DHODH: variants seen among roughly 807,000 people sequenced by gnomAD.
The protein encoded by DHODH is dihydroorotate dehydrogenase (quinone), mitochondrial.
A neutral mutation model predicts 39.7 loss-of-function variants in DHODH; 30 were observed. The observed-to-expected ratio is 0.76, with a 90% CI of 0.57 to 1.02. The LOEUF (loss-of-function observed/expected upper bound fraction) is 1.02, where lower values mean the gene tolerates loss of function less well. DHODH is among the 50% of genes least tolerant of loss of function. The pLI, the probability that DHODH is intolerant of heterozygous loss-of-function variation, is 0.00. For missense variants in DHODH, 531 were observed against 520.8 expected (o/e 1.02, Z -0.19); for synonymous variants, 222 against 213.8 (o/e 1.04, Z -0.34).
chr16:72,010,699 G>A (rs1368256251), intron 1 of DHODH, among the ~76,000 whole-genome samples: 1 of 152,056 alleles, frequency 6.6e-6, no homozygotes, highest in Non-Finnish European at 1.5e-5. Flanking sequence ...TTACACCCCC[G>A]TTACCTTGAA....
intron 1 of DHODH, 53 bp from the exon 2 acceptor site, chr16:72,011,997 A>G: frequency 6.7e-7 from 1 of 1,498,250 alleles, no homozygotes; most frequent in Admixed American, 1.7e-5. Context: ...AGGGCTCAGG[A>G]AGGGTGCTGC....
chr16:72,013,535 TG>T (rs1289404005), intron 2 of DHODH: 4 of 152,228 alleles, frequency 2.6e-5, no homozygotes, highest in African/African-American at 7.2e-5. Context: ...CCAGGATTCT[TG>T]ATTTCACAAC....
chr16:72,017,681 T>A (rs1445515007), intron 4 of DHODH, among the ~76,000 whole-genome samples: 1 of 152,012 alleles, frequency 6.6e-6, no homozygotes, highest in Non-Finnish European at 1.5e-5. Context: ...GGTGCCCAAG[T>A]TGGGAGGATC....
chr16:72,014,723 G>A (rs777928749), intron 3 of DHODH, 51 bp downstream of exon 3: 2 of 1,575,212 alleles, frequency 1.3e-6, no homozygotes, highest in Admixed American at 1.7e-5. Context: ...CCAGCTGGGG[G>A]CGTTCAGAGA....
rs967161220 is a variant in DHODH at position 72,025,350 on chromosome 16, T to C, written c.*1151T>C. 6.6e-6 allele frequency: 1 copy of C among 152,210 alleles called. No homozygotes were observed. The highest frequency in any genetic ancestry group is 2.4e-5 in the African/African-American group (1 of 41,440). 9.4% of individuals were successfully genotyped at this position (152,210 alleles called of 1,614,324 possible). On this transcript the variant is annotated 3_prime_UTR_variant, in exon 9 of 9. Coordinates refer to ENST00000219240, the MANE Select transcript of DHODH (RefSeq NM_001361.5). ...CGATTTCTGGATGGAATGCACACTGTTATCTGTTTAGTTACTTTATGTTTT... is the reference window on the plus strand; with the variant it reads ...CGATTTCTGGATGGAATGCACACTGCTATCTGTTTAGTTACTTTATGTTTT...
At chr16:72,020,371 A>ATATATATATGTATATATATATATAT (rs1455738856) in intron 4 of DHODH, 4 of 89,098 alleles carry the variant, frequency 4.5e-5, no homozygotes, top group African/African-American at 2.1e-4. Context: ...ATATATATAT[A>ATATATATATGTATATATATATATAT]TTTTTTTTTT....
rs78233184 is a variant in DHODH at position 72,026,397 on chromosome 16, T to C, written c.*2198T>C. On this transcript the variant is annotated 3_prime_UTR_variant, in exon 9 of 9. Coordinates refer to ENST00000219240, the MANE Select transcript of DHODH (RefSeq NM_001361.5). ...CCACGGAAGACTGCCTTTTTTTTTTTTGAGATGGAGTCTCGCTGTGTCGCC... is the reference window on the plus strand; with the variant it reads ...CCACGGAAGACTGCCTTTTTTTTTTCTGAGATGGAGTCTCGCTGTGTCGCC... 2 of 152,754 alleles carry C rather than the reference T, an allele frequency of 1.3e-5. No individual in the cohort carries two copies. The highest frequency in any genetic ancestry group is 6.6e-5 in the Admixed American group (1 of 15,264). 9.5% of individuals were successfully genotyped at this position (152,754 alleles called of 1,614,324 possible). A position where few individuals can be genotyped will look rare whatever the true frequency, so the allele number is the denominator to read the frequency against.
rs551286599 is a variant in DHODH at position 72,017,071 on chromosome 16, G to C, written c.482G>C (p.Arg161Pro). 1 of 1,614,008 alleles carries C rather than the reference G, an allele frequency of 6.2e-7. No individual in the cohort carries two copies. The highest frequency in any genetic ancestry group is 1.3e-5 in the African/African-American group (1 of 74,998). ...HGLSVVEHRL[R>P]ARQQKQAKLT... is the part of the protein sequence containing the mutation. ...CTTTCAGTGGTGGAACACAGGTTACGGGCCAGACAGCAGAAGCAGGCCAAG... is the reference window on the plus strand; with the variant it reads ...CTTTCAGTGGTGGAACACAGGTTACCGGCCAGACAGCAGAAGCAGGCCAAG... The change falls in exon 4 of 9, where the codon CGG (arginine) becomes CCG (proline). Residue 161 changes from arginine (R) to proline (P), a missense_variant. Physicochemically the swap from Arg to Pro is moderately radical, Grantham distance 103. Coordinates refer to ENST00000219240, the MANE Select transcript of DHODH (RefSeq NM_001361.5).
At chr16:72,019,935 G>A (rs2041185140) in intron 4 of DHODH, among the ~76,000 whole-genome samples, 2 of 152,052 alleles carry the variant, frequency 1.3e-5, no homozygotes, top group African/African-American at 4.8e-5. Context: ...TGAGGTCAGG[G>A]GTTTGAGACC....
intron 1 of DHODH, chr16:72,009,153 G>C (rs2041053806): frequency 8.9e-7 from 1 of 1,121,676 alleles, no homozygotes; most frequent in East Asian, 5.8e-5. Flanking sequence ...TTTAGGTAAA[G>C]TTTTGTTAGG....
rs891045901 is a variant in DHODH, at chr16:72,024,164, G to A, written c.1153G>A (p.Val385Ile). 5.6e-6 allele frequency: 9 copies of A among 1,614,108 alleles called. No homozygotes were observed. The highest frequency in any genetic ancestry group is 7.6e-6 in the Non-Finnish European group (9 of 1,180,048). Reference protein sequence around the residue: ...ALLKEQGFGGVTDAIGADHRR With the variant: ...ALLKEQGFGGITDAIGADHRR Reference sequence around the variant, plus strand: ...TTCCAGAGAGCAGGGCTTTGGCGGAGTCACAGATGCCATTGGAGCAGATCA... The same window carrying A: ...TTCCAGAGAGCAGGGCTTTGGCGGAATCACAGATGCCATTGGAGCAGATCA... Residue 385 changes from valine to isoleucine, a missense_variant, in exon 9 of 9, where the codon GTC becomes ATC. Transcript: ENST00000219240.
chr16:72,023,364 G>A, intron 7 of DHODH, 46 bp downstream of exon 7: 3 of 1,614,024 alleles, frequency 1.9e-6, no homozygotes, highest in Non-Finnish European at 2.5e-6. Flanking sequence ...TGTGGCTTGG[G>A]CTCCTGGGTC....
intron 1 of DHODH, among the ~76,000 whole-genome samples, chr16:72,009,439 C>G (rs200370565): frequency 2.3e-4 from 29 of 128,330 alleles, no homozygotes; most frequent in African/African-American, 8.5e-4. Context: ...GGAAGCGGAG[C>G]TTGCAGTGAG....
In DHODH at chr16:72,022,501, G is replaced by A. The variant is rs962155171; in HGVS notation, c.819+26G>A. 5.2e-6 allele frequency: 8 copies of A among 1,532,248 alleles called. No individual in the cohort carries two copies. In the African/African-American group the frequency reaches 8.2e-5, roughly 16 times the overall value. 94.9% of individuals were successfully genotyped at this position (1,532,248 alleles called of 1,614,324 possible). On this transcript the variant is annotated intron_variant, in intron 6 of 8. Coordinates refer to ENST00000219240, the MANE Select transcript of DHODH (RefSeq NM_001361.5). ...GTTTGAGTCGGGGCCTGGGCCCAGGGTGTGCCTCCCATGGTCTGCAGAGGC... is the reference window on the plus strand; with the variant it reads ...GTTTGAGTCGGGGCCTGGGCCCAGGATGTGCCTCCCATGGTCTGCAGAGGC...
At chr16:72,021,938 C>T (rs143237381) in intron 5 of DHODH, among the ~76,000 whole-genome samples, 2 of 151,944 alleles carry the variant, frequency 1.3e-5, no homozygotes, top group Admixed American at 6.6e-5. Flanking sequence ...ACAAGAAATA[C>T]AGAAATTAGC....
At chr16:72,014,824 A>G (rs1597394520) in intron 3 of DHODH, 152 bp downstream of exon 3, 3 of 805,724 alleles carry the variant, frequency 3.7e-6, no homozygotes, top group East Asian at 5.4e-5. Context: ...AGCATCTACT[A>G]TGTGCCCCAG....
rs2041120842 is a variant in DHODH at position 72,014,664 on chromosome 16, C to G, written c.426C>G (p.Val142=). ...TCCGCCTCCCTGAGGACCAAGCTGTCATTAACAGGTAGGTGAGCGGCCCAG... is the reference window on the plus strand; with the variant it reads ...TCCGCCTCCCTGAGGACCAAGCTGTGATTAACAGGTAGGTGAGCGGCCCAG... The part of the protein sequence containing the change: ...RVFRLPEDQA[V]INRYGFNSHG... The change falls in exon 3 of 9, where the codon GTC becomes GTG. Residue 142 remains valine, a synonymous_variant. Transcript: ENST00000219240. The G allele has an allele frequency of 6.2e-7, 1 of 1,613,976 alleles. No homozygotes were observed. Among genetic ancestry groups the G allele is most frequent in the Non-Finnish European group, 8.5e-7 (1 of 1,180,028 alleles).
At chr16:72,011,982 T>A in intron 1 of DHODH, 68 bp from the exon 2 acceptor site, 1 of 1,296,706 alleles carries the variant, frequency 7.7e-7, no homozygotes, top group Non-Finnish European at 1.1e-6. Flanking sequence ...TGTACCTGGG[T>A]GTGAAGGGCT....
At chr16:72,009,319 A>C (rs1020821579) in intron 1 of DHODH, among the ~76,000 whole-genome samples, 2 of 150,222 alleles carry the variant, frequency 1.3e-5, no homozygotes, top group African/African-American at 4.9e-5. Flanking sequence ...CTGGCTAACA[A>C]GGTGAAACCC....
Sources: allele counts gnomAD v4.1 joint callset (sites outside exome capture counted in the v4.1 genomes callset), GRCh38; gene constraint gnomAD v4.1.1; transcripts MANE v1.5; gene names NCBI Gene and HGNC (gene_info 2026-07-23, HGNC 2026-07-21).